Variants in BACE2 observed in about 807,000 individuals in gnomAD.
BACE2 encodes the protein 56 kDa aspartic-like protease.
A neutral mutation model predicts 46.2 loss-of-function variants in BACE2; 17 were observed. The ratio of observed to expected loss-of-function variants is 0.37; its 90% CI spans 0.25 to 0.55. The LOEUF is 0.55. Ranked by LOEUF, BACE2 falls within the 20% of genes least tolerant of loss-of-function variation. The pLI is 0.82. For missense variants in BACE2, 595 were observed against 698.1 expected, an observed-to-expected ratio of 0.85 and a Z score of 1.66; for synonymous variants, 277 against 295.9, an observed-to-expected ratio of 0.94 and a Z score of 0.66.
chr21:41,219,496 G>T (rs554716941), intron 1 of BACE2, among the ~76,000 whole-genome samples: 5 of 152,196 alleles, frequency 3.3e-5, no homozygotes, highest in Non-Finnish European at 5.9e-5. Flanking sequence ...TAAAAATGGT[G>T]CAGGGATTCT....
At position 41,281,560 on chromosome 21, in the gene BACE2, T is replaced by G. The variant is rs867773282; in HGVS notation, c.*5936T>G. The G allele has an allele frequency of 3.3e-4, 51 of 152,344 alleles. No homozygotes were observed. The highest frequency in any genetic ancestry group is 1.2e-3 in the African/African-American group (49 of 41,584). 9.4% of individuals were successfully genotyped at this position (152,344 alleles called of 1,614,324 possible). A position where few individuals can be genotyped will look rare whatever the true frequency, so the allele number is the denominator to read the frequency against. On this transcript the variant is annotated 3_prime_UTR_variant, in exon 9 of 9. Transcript: ENST00000330333. ...GGAGGTCATTGCAAGTTCCCTGATA[T>G]GAGTATGGTTTCGCTTGCTACATTG...
At chr21:41,233,177 G>GA (rs1304284989) in intron 2 of BACE2, among the ~76,000 whole-genome samples, 3 of 152,100 alleles carry the variant, frequency 2.0e-5, no homozygotes, top group Non-Finnish European at 4.4e-5. Flanking sequence ...CTCATAGCCT[G>GA]AAAAAAGGCA....
intron 2 of BACE2, among the ~76,000 whole-genome samples, chr21:41,230,692 C>T (rs1010512239): frequency 1.5e-4 from 23 of 152,098 alleles, no homozygotes; most frequent in African/African-American, 4.8e-4. Flanking sequence ...GGAGATTTGG[C>T]GTGGGGTTCT....
intron 1 of BACE2, 26 bp downstream of exon 1, chr21:41,168,601 G>A (rs773246393): frequency 7.7e-7 from 1 of 1,297,052 alleles, no homozygotes. Context: ...TGCTGCCGCG[G>A]GCTTTTCGGG....
chr21:41,275,493 A>T lies in BACE2; in HGVS notation c.1426A>T (p.Met476Leu), dbSNP rs1568897017. 1 of 1,614,104 alleles carries T rather than the reference A, an allele frequency of 6.2e-7. No homozygotes were observed. Among genetic ancestry groups the T allele is most frequent in the Non-Finnish European group, 8.5e-7 (1 of 1,180,020 alleles). The change falls in exon 9 of 9, where the codon ATG becomes TTG. Residue 476 changes from methionine to leucine, a missense_variant. Met to Leu is a conservative substitution (Grantham distance 15). Around this residue, in one of 3 missense-constraint regions of BACE2, gnomAD observed 343 missense variants for 419.4 expected, o/e 0.82. Coordinates refer to ENST00000330333, the MANE Select transcript of BACE2 (RefSeq NM_012105.5). ...PILWIVSYAL[M>L]SVCGAILLVL... ...TTTGTGGATTGTGTCCTATGCGCTC[A>T]TGAGCGTCTGTGGAGCCATCCTCCT...
At chr21:41,244,722 C>CA (rs1987412252) in intron 5 of BACE2, among the ~76,000 whole-genome samples, 1 of 152,152 alleles carries the variant, frequency 6.6e-6, no homozygotes, top group Non-Finnish European at 1.5e-5. Context: ...AGAGGCCTGA[C>CA]ACCTCTGAGA....
chr21:41,190,117 A>G (rs1468789767), intron 1 of BACE2, among the ~76,000 whole-genome samples: 2 of 152,170 alleles, frequency 1.3e-5, no homozygotes, highest in African/African-American at 4.8e-5. Context: ...TCTTTTGACA[A>G]CACCCTCACA....
chr21:41,249,006 G>A lies in BACE2; in HGVS notation c.985-1746G>A, dbSNP rs369221063. Among the ~76,000 whole-genome samples, 256 of 152,246 alleles carry A rather than the reference G, an allele frequency of 1.7e-3. 1 individual carries two copies. The highest frequency in any genetic ancestry group is 5.8e-3 in the African/African-American group (240 of 41,550). On this transcript the variant is annotated intron_variant, in intron 6 of 8. Transcript: ENST00000330333. Reference sequence around the variant, plus strand: ...CTGTTCTTGCTGCACACCCTCCTACGTGATCCCATCCTTAGCCTCATCGAT... The same window carrying A: ...CTGTTCTTGCTGCACACCCTCCTACATGATCCCATCCTTAGCCTCATCGAT...
At chr21:41,190,251 C>A (rs769512503) in intron 1 of BACE2, among the ~76,000 whole-genome samples, 12 of 152,146 alleles carry the variant, frequency 7.9e-5, no homozygotes, top group Non-Finnish European at 1.5e-4. Context: ...ACATAATCTT[C>A]AAATAAAGAC....
At chr21:41,269,712 T>C (rs2088416097) in intron 8 of BACE2, among the ~76,000 whole-genome samples, 2 of 152,252 alleles carry the variant, frequency 1.3e-5, no homozygotes, top group African/African-American at 4.8e-5. Flanking sequence ...CATTATAGTT[T>C]CTTTATCCCC....
intron 1 of BACE2, among the ~76,000 whole-genome samples, chr21:41,187,092 C>T (rs1985405325): frequency 1.3e-5 from 2 of 152,170 alleles, no homozygotes; most frequent in Non-Finnish European, 2.9e-5. Flanking sequence ...CACCAGGAGT[C>T]GCAGGTAAGA....
At chr21:41,224,028 A>G (rs535173977) in intron 1 of BACE2, among the ~76,000 whole-genome samples, 131 of 152,148 alleles carry the variant, frequency 8.6e-4, no homozygotes, top group Non-Finnish European at 1.6e-3. Flanking sequence ...AAATCAGGAA[A>G]GTGTGGGGCC....
At chr21:41,221,467 A>G (rs1986643603) in intron 1 of BACE2, among the ~76,000 whole-genome samples, 2 of 152,208 alleles carry the variant, frequency 1.3e-5, no homozygotes, top group South Asian at 4.1e-4. Flanking sequence ...TTATCTTTGT[A>G]CCAAGGGCAA....
chr21:41,222,722 G>A (rs532148110), intron 1 of BACE2, among the ~76,000 whole-genome samples: 26 of 152,374 alleles, frequency 1.7e-4, no homozygotes, highest in African/African-American at 6.3e-4. Context: ...GGACACCAGT[G>A]AGGACGAGGA....
chr21:41,245,233 G>A (rs1009536055), intron 5 of BACE2, among the ~76,000 whole-genome samples: 21 of 152,208 alleles, frequency 1.4e-4, no homozygotes, highest in East Asian at 1.3e-3. Context: ...CTTTTGACCC[G>A]ATTGGTGTAT....
chr21:41,242,569 G>A lies in BACE2; in HGVS notation c.747+622G>A, dbSNP rs373973316. 2.1e-4 allele frequency among the ~76,000 whole-genome samples: 32 copies of A among 152,214 alleles called. 1 individual carries two copies. Among genetic ancestry groups the A allele is most frequent in the East Asian group, 5.8e-4 (3 of 5,160 alleles). ...CTATGAGAGGCAGGATCTGCACCCC[G>A]GTCCTCAGCTACTTTCATTTGCTAC... On this transcript the variant is annotated intron_variant, in intron 4 of 8. Transcript: ENST00000330333.
At chr21:41,218,618 A>T (rs1480246574) in intron 1 of BACE2, among the ~76,000 whole-genome samples, 1 of 152,194 alleles carries the variant, frequency 6.6e-6, no homozygotes, top group African/African-American at 2.4e-5. Flanking sequence ...AGTGTAACCT[A>T]TGGAGAGGTT....
chr21:41,170,726 C>G (rs1261586142), intron 1 of BACE2, among the ~76,000 whole-genome samples: 2 of 152,034 alleles, frequency 1.3e-5, no homozygotes, highest in Non-Finnish European at 2.9e-5. Flanking sequence ...TTCTCTGAAG[C>G]CTAAAATAAA....
intron 3 of BACE2, among the ~76,000 whole-genome samples, chr21:41,239,379 T>C (rs1000053403): frequency 6.6e-6 from 1 of 152,158 alleles, no homozygotes; most frequent in African/African-American, 2.4e-5. Context: ...TTTTTCTTTT[T>C]ACTTTTTTAT....
Sources: gnomAD v4.1 joint callset for allele counts (sites outside exome capture counted in the v4.1 genomes callset) on GRCh38, gnomAD v4.1.1 for gene constraint, gnomAD v4.1.1 regional missense constraint, MANE v1.5 for transcripts, NCBI Gene and HGNC (gene_info 2026-07-23, HGNC 2026-07-21) for gene names.